The following GBX1 variants were observed in gnomAD, a reference collection of about 807,000 sequenced individuals.
The protein encoded by GBX1 is gastrulation brain homeobox 1.
Under a neutral mutation model 22.9 loss-of-function variants are expected in GBX1, and 9 were observed. That is an observed-to-expected ratio of 0.39 (90% CI 0.24 to 0.69). The LOEUF (loss-of-function observed/expected upper bound fraction) is 0.69, where lower values mean the gene tolerates loss of function less well. Ranked by LOEUF, GBX1 falls within the 30% of genes least tolerant of loss-of-function variation. The pLI is 0.43. For missense variants in GBX1, 494 were observed against 509.2 expected (o/e 0.97, Z 0.29); for synonymous variants, 203 against 227.3 (o/e 0.89, Z 0.96).
intron 1 of GBX1, among the ~76,000 whole-genome samples, chr7:151,156,415 A>AC (rs1801135736): frequency 2.1e-5 from 3 of 143,668 alleles, no homozygotes; most frequent in Admixed American, 6.9e-5. Context: ...AAAAAAAAAA[A>AC]ACGAAAAAAA....
chr7:151,151,301 C>G (rs923902733), intron 1 of GBX1, among the ~76,000 whole-genome samples: 5 of 152,210 alleles, frequency 3.3e-5, no homozygotes, highest in Non-Finnish European at 7.3e-5. Flanking sequence ...CGCCCAGCAT[C>G]AAGACCCATC....
intron 1 of GBX1, among the ~76,000 whole-genome samples, chr7:151,151,695 G>A (rs1801081142): frequency 6.6e-6 from 1 of 152,098 alleles, no homozygotes; most frequent in Non-Finnish European, 1.5e-5. Flanking sequence ...TGCTAGTGCT[G>A]CTGCCTTTAA....
intron 1 of GBX1, among the ~76,000 whole-genome samples, chr7:151,154,719 C>T (rs761587384): frequency 3.3e-5 from 5 of 152,220 alleles, no homozygotes; most frequent in Non-Finnish European, 5.9e-5. Context: ...TTCCAGAGAA[C>T]AGCACTCATG....
At chr7:151,158,833 T>C (rs2150549636) in intron 1 of GBX1, among the ~76,000 whole-genome samples, 1 of 152,280 alleles carries the variant, frequency 6.6e-6, no homozygotes, top group South Asian at 2.1e-4. Flanking sequence ...TAAGGATAAA[T>C]TCTTGAGCAC....
At chr7:151,150,251 T>A (rs745788029) in intron 1 of GBX1, among the ~76,000 whole-genome samples, 4 of 152,242 alleles carry the variant, frequency 2.6e-5, no homozygotes, top group African/African-American at 4.8e-5. Flanking sequence ...GCATTACACA[T>A]GTTTTCAGTG....
At chr7:151,156,782 C>T (rs1019800186) in intron 1 of GBX1, among the ~76,000 whole-genome samples, 15 of 150,528 alleles carry the variant, frequency 1.0e-4, no homozygotes, top group South Asian at 4.2e-4. Flanking sequence ...GTCAGGAGTT[C>T]GAGACCAGCC....
chr7:151,166,581 G>A (rs1396693249), intron 1 of GBX1, among the ~76,000 whole-genome samples: 1 of 147,084 alleles, frequency 6.8e-6, no homozygotes, highest in Non-Finnish European at 1.5e-5. Context: ...CTCCTTAGAA[G>A]CCAGAACGTG....
rs1394417786 is a variant in GBX1 at position 151,167,364 on chromosome 7, G to A, written c.185C>T (p.Ala62Val). 6.6e-6 allele frequency: 10 copies of A among 1,510,946 alleles called. No homozygotes were observed. In the South Asian group the frequency reaches 1.1e-4, roughly 17 times the overall value. 93.6% of individuals were successfully genotyped at this position (1,510,946 alleles called of 1,614,324 possible). Residue 62 changes from alanine (A) to valine (V), a missense_variant, in exon 1 of 2, where the codon GCC (alanine) becomes GTC (valine). Coordinates refer to ENST00000297537, the MANE Select transcript of GBX1 (RefSeq NM_001098834.3). This position sits in a 1 kb window ranked among gnomAD's most constrained non-coding sequence, Gnocchi z 5.9. Reference sequence around the variant, plus strand: ...GAGGCCAGCGGGCAGCGGCGCAGGGGCCAGCGCCTGCGGCAGCACGAGCGG... The same window carrying A: ...GAGGCCAGCGGGCAGCGGCGCAGGGACCAGCGCCTGCGGCAGCACGAGCGG... ...YRPLVLPQAL[A>V]PAPLPAGLPP...
At chr7:151,164,776 C>CTTTTTTTTTTTTTTT (rs71533521) in intron 1 of GBX1, among the ~76,000 whole-genome samples, 1 of 104,386 alleles carries the variant, frequency 9.6e-6, no homozygotes, top group Non-Finnish European at 1.8e-5. Context: ...AAATTTCCCT[C>CTTTTTTTTTTTTTTT]TTTTTTTTTT....
rs573345663 is a variant in GBX1 at position 151,167,206 on chromosome 7, A to T, written c.343T>A (p.Phe115Ile). Residue 115 changes from phenylalanine to isoleucine, a missense_variant, in exon 1 of 2, where the codon TTC becomes ATC. This residue lies in a region of GBX1 where 365 missense variants were observed against 340.4 expected (regional missense o/e 1.07). Coordinates refer to ENST00000297537, the MANE Select transcript of GBX1 (RefSeq NM_001098834.3). This position sits in a 1 kb window ranked among gnomAD's most constrained non-coding sequence, Gnocchi z 5.9. ...GCGGCGAGCTCCTGGGGCCCGTAGAAAGCGTCGGGCGGCTCCGCGAAGCTG... is the reference window on the plus strand; with the variant it reads ...GCGGCGAGCTCCTGGGGCCCGTAGATAGCGTCGGGCGGCTCCGCGAAGCTG... The part of the protein sequence containing the change: ...LPSFAEPPDA[F>I]YGPQELAAAA... The T allele has an allele frequency of 6.4e-7, 1 of 1,564,354 alleles. No individual in the cohort carries two copies. The highest frequency in any genetic ancestry group is 1.4e-5 in the African/African-American group (1 of 71,950).
intron 1 of GBX1, among the ~76,000 whole-genome samples, chr7:151,154,690 G>A (rs374160479): frequency 6.6e-6 from 1 of 152,188 alleles, no homozygotes; most frequent in African/African-American, 2.4e-5. Flanking sequence ...TAGAGTTCAC[G>A]TCAAGGGCAT....
rs998451410 is a variant in GBX1, at chr7:151,167,291, G to A, written c.258C>T (p.Thr86=). Residue 86 remains threonine, a synonymous_variant, in exon 1 of 2, where the codon ACC becomes ACT. Coordinates refer to ENST00000297537, the MANE Select transcript of GBX1 (RefSeq NM_001098834.3). This position sits in a 1 kb window ranked among gnomAD's most constrained non-coding sequence, Gnocchi z 5.9. ...LASFAGRLTN[T]FCAGLGQAVP... is the part of the protein sequence containing the mutation. Reference sequence around the variant, plus strand: ...CAGCCTGACCCAGCCCCGCGCAGAAGGTGTTGGTAAGGCGGCCGGCGAAAG... The same window carrying A: ...CAGCCTGACCCAGCCCCGCGCAGAAAGTGTTGGTAAGGCGGCCGGCGAAAG... 7.2e-6 allele frequency: 11 copies of A among 1,532,092 alleles called. No homozygotes were observed. In the Admixed American group the frequency reaches 1.9e-4, roughly 26 times the overall value. 94.9% of individuals were successfully genotyped at this position (1,532,092 alleles called of 1,614,324 possible).
In GBX1 at chr7:151,167,110, C is replaced by A; in HGVS notation, c.439G>T (p.Gly147Trp). 1 of 1,603,212 alleles carries A rather than the reference C, an allele frequency of 6.2e-7. No homozygotes were observed. Among genetic ancestry groups the A allele is most frequent in the Non-Finnish European group, 8.5e-7 (1 of 1,176,546 alleles). The change falls in exon 1 of 2, where the codon GGG (glycine) becomes TGG (tryptophan). Residue 147 changes from glycine to tryptophan, a missense_variant. Around this residue, in one of 3 missense-constraint regions of GBX1, gnomAD observed 365 missense variants for 340.4 expected, o/e 1.07. Coordinates refer to ENST00000297537, the MANE Select transcript of GBX1 (RefSeq NM_001098834.3). The surrounding 1 kb of genome is among the most constrained non-coding windows in gnomAD (Gnocchi z 5.9). Reference protein sequence around the residue: ...PEPGGRRPEGGLEADELLPAR... With the variant: ...PEPGGRRPEGWLEADELLPAR... ...GGCAGCAGCTCATCAGCTTCCAGCC[C>A]ACCCTCTGGGCGTCGGCCGCCTGGC... is the stretch of plus-strand genomic sequence containing the variant.
chr7:151,156,754 G>A (rs1212167174), intron 1 of GBX1, among the ~76,000 whole-genome samples: 2 of 152,076 alleles, frequency 1.3e-5, no homozygotes, highest in African/African-American at 4.8e-5. Context: ...GGAGGCTGAG[G>A]CAGGCGGATC....
At chr7:151,166,780 A>G (rs1801257070) in intron 1 of GBX1, among the ~76,000 whole-genome samples, 1 of 152,190 alleles carries the variant, frequency 6.6e-6, no homozygotes, top group Non-Finnish European at 1.5e-5. Flanking sequence ...GGAGCACTGC[A>G]AAGTCTTCGG....
chr7:151,166,486 CAA>C lies in GBX1; in HGVS notation c.538+523_538+524del, dbSNP rs1491376706. 1.9e-3 allele frequency among the ~76,000 whole-genome samples: 198 copies of C among 102,410 alleles called. 1 individual carries two copies. Among genetic ancestry groups the C allele is most frequent in the Non-Finnish European group, 2.2e-3 (111 of 50,586 alleles). The allele number at this position is 102,410 out of a possible 152,430, so 67.2% of individuals were successfully genotyped here. A position where few individuals can be genotyped will look rare whatever the true frequency, so the allele number is the denominator to read the frequency against. ...GCTTTGAGACGCAACCCCCCCCCCC[CAA>C]CACACACACACACACACACTCTTTT... On this transcript the variant is annotated intron_variant, in intron 1 of 1. Transcript: ENST00000297537.
At chr7:151,149,518 G>A (rs778797031) in intron 1 of GBX1, among the ~76,000 whole-genome samples, 10 of 150,908 alleles carry the variant, frequency 6.6e-5, no homozygotes, top group African/African-American at 1.2e-4. Flanking sequence ...GCCCAGCATC[G>A]CAGTGATATA....
Position 151,154,165 on chromosome 7 carries a change from C to T in GBX1, c.539-5023G>A, listed in dbSNP as rs540785583. 5.9e-5 allele frequency among the ~76,000 whole-genome samples: 9 copies of T among 151,998 alleles called. 1 individual carries two copies. The highest frequency in any genetic ancestry group is 1.4e-4 in the African/African-American group (6 of 41,456). On this transcript the variant is annotated intron_variant, in intron 1 of 1. Coordinates refer to ENST00000297537, the MANE Select transcript of GBX1 (RefSeq NM_001098834.3). ...AGGCAGGATTGCAGTGAGCAGAGAG[C>T]GCGCCACTGCACTCCAGCCTGGGCG...
In GBX1 at chr7:151,167,158, T is replaced by TGGCGGCGGCGGCGGC. The variant is rs763561424; in HGVS notation, c.376_390dup (p.Ala126_Ala130dup). 6.3e-7 allele frequency: 1 copy of TGGCGGCGGCGGCGGC among 1,592,034 alleles called. No individual in the cohort carries two copies. The highest frequency in any genetic ancestry group is 1.8e-4 in the Middle Eastern group (1 of 5,604). On this transcript the variant is annotated inframe_insertion, in exon 1 of 2. Coordinates refer to ENST00000297537, the MANE Select transcript of GBX1 (RefSeq NM_001098834.3). This position sits in a 1 kb window ranked among gnomAD's most constrained non-coding sequence, Gnocchi z 5.9. The stretch of plus-strand genomic sequence containing the variant: ...GGCTCGGGGTTGTTTCGGGCGGCAG[T>TGGCGGCGGCGGCGGC]GGCGGCGGCGGCGGCAGCGGCGGCG...
Sources: gnomAD v4.1 joint callset for allele counts (sites outside exome capture counted in the v4.1 genomes callset) on GRCh38, gnomAD v4.1.1 for gene constraint, gnomAD v4.1.1 regional missense constraint, Gnocchi (gnomAD v3.1) non-coding constraint, MANE v1.5 for transcripts, NCBI Gene and HGNC (gene_info 2026-07-23, HGNC 2026-07-21) for gene names.